The following PNKP variants were observed in gnomAD, a reference collection of about 807,000 sequenced individuals.
PNKP encodes the protein bifunctional polynucleotide phosphatase/kinase.
A neutral mutation model predicts 66.2 loss-of-function variants in PNKP; 82 were observed. The ratio of observed to expected loss-of-function variants is 1.24; its 90% CI spans 1.04 to 1.49. The LOEUF (loss-of-function observed/expected upper bound fraction) is 1.49, where lower values mean the gene tolerates loss of function less well. PNKP is among the 40% of genes most tolerant of loss of function. PNKP has a pLI of 0.00. For missense variants in PNKP, 907 were observed against 706.8 expected, an observed-to-expected ratio of 1.28 and a Z score of -3.21; for synonymous variants, 412 against 298.9, an observed-to-expected ratio of 1.38 and a Z score of -3.90.
chr19:49,865,448 C>A (rs3739178), intron 3 of PNKP, 22 bp from the exon 4 acceptor site: 10 of 1,564,064 alleles, frequency 6.4e-6, no homozygotes, highest in Admixed American at 3.7e-5. Flanking sequence ...GAGGGAGGAG[C>A]TGGGACTGGC....
chr19:49,864,138 G>A lies in PNKP; in HGVS notation c.636+41C>T, dbSNP rs189056874. 130 of 1,610,014 alleles carry A rather than the reference G, an allele frequency of 8.1e-5. No homozygotes were observed. In the African/African-American group the frequency reaches 1.2e-3, roughly 15 times the overall value. On this transcript the variant is annotated intron_variant, in intron 6 of 16. Transcript: ENST00000322344. ...GCCTTGGTCTGACTGCGGTCGGACC[G>A]CCACGTGCACGTGCCCATGCAGACA...
Position 49,862,269 on chromosome 19 carries a change from G to A in PNKP, c.1042C>T (p.Arg348Cys), listed in dbSNP as rs530663093. The change falls in exon 12 of 17, where the codon CGC becomes TGC. Residue 348 changes from arginine to cysteine, a missense_variant. Transcript: ENST00000322344. ...LPAFDPRTVS[R>C]SGPLCLPESR... ...TCGGGGAGGCAGAGAGGCCCTGAGC[G>A]GGAGACAGTCCTCTGCGAGGGGCGG... is the stretch of plus-strand genomic sequence containing the variant. 22 of 1,600,992 alleles carry A rather than the reference G, an allele frequency of 1.4e-5. No homozygotes were observed. Among genetic ancestry groups the A allele is most frequent in the Admixed American group, 5.2e-5 (3 of 57,540 alleles).
rs3739174 is a variant in PNKP at position 49,866,303 on chromosome 19, A to G, written c.198+96T>C. 7.5e-4 allele frequency: 886 copies of G among 1,176,458 alleles called. 9 individuals are homozygous for G. The African/African-American group carries it at 0.011, about 15-fold the overall frequency. The allele number at this position is 1,176,458 out of a possible 1,614,324, so 72.9% of individuals were successfully genotyped here. On this transcript the variant is annotated intron_variant, in intron 3 of 16. Coordinates refer to ENST00000322344, the MANE Select transcript of PNKP (RefSeq NM_007254.4). ...GCTTGAGCCACCACGCCCGGCCCCA[A>G]TCAGATTTTCCTAATGTACCCCTTC...
chr19:49,861,211 G>T lies in PNKP; in HGVS notation c.*37C>A. On this transcript the variant is annotated 3_prime_UTR_variant, in exon 17 of 17. Transcript: ENST00000322344. The stretch of plus-strand genomic sequence containing the variant: ...GCAAAATGCCGGCCAAGCTCAAGGA[G>T]AAACAGCGTTTATTGTGGAGGGGAG... 2 of 1,415,090 alleles carry T rather than the reference G, an allele frequency of 1.4e-6. No homozygotes were observed. The highest frequency in any genetic ancestry group is 1.1e-5 in the South Asian group (1 of 87,154). The allele number at this position is 1,415,090 out of a possible 1,614,324, so 87.7% of individuals were successfully genotyped here.
intron 8 of PNKP, among the ~76,000 whole-genome samples, chr19:49,863,469 G>A (rs912023995): frequency 3.3e-5 from 5 of 152,174 alleles, no homozygotes; most frequent in African/African-American, 7.2e-5. Flanking sequence ...ACACACAAAC[G>A]AATGAACGAA....
At chr19:49,861,409 C>T in intron 16 of PNKP, 40 bp downstream of exon 16, 1 of 1,614,002 alleles carries the variant, frequency 6.2e-7, no homozygotes, top group South Asian at 1.1e-5. Flanking sequence ...GATCATGTGG[C>T]CCAGCCAGTG....
Position 49,861,405 on chromosome 19 carries a change from G to A in PNKP, c.1449-40C>T, listed in dbSNP as rs2074755763. ...AACAGTGAGGGACAGCCTGGATCAT[G>A]TGGCCCAGCCAGTGCCCCTGCCCCC... On this transcript the variant is annotated intron_variant, in intron 16 of 16. Coordinates refer to ENST00000322344, the MANE Select transcript of PNKP (RefSeq NM_007254.4). The A allele has an allele frequency of 2.5e-6, 4 of 1,614,010 alleles. No homozygotes were observed. The South Asian group carries it at 4.4e-5, about 18-fold the overall frequency.
At chr19:49,861,724 C>T in intron 14 of PNKP, 29 bp from the exon 15 acceptor site, 1 of 1,548,658 alleles carries the variant, frequency 6.5e-7, no homozygotes, top group Non-Finnish European at 8.7e-7. Context: ...GATGTGCAGG[C>T]CCCGCCCACC....
intron 3 of PNKP, 162 bp from the exon 4 acceptor site, chr19:49,865,588 G>T: frequency 3.8e-6 from 2 of 531,770 alleles, no homozygotes; most frequent in Non-Finnish European, 6.7e-6. Flanking sequence ...CAGGTTTTCA[G>T]CCTTGTCCGA....
rs531640505 is a variant in PNKP, at chr19:49,865,358, C to T, written c.267G>A (p.Val89=). 3.7e-6 allele frequency: 6 copies of T among 1,613,548 alleles called. No individual in the cohort carries two copies. The highest frequency in any genetic ancestry group is 3.3e-5 in the Admixed American group (2 of 59,996). The change falls in exon 4 of 17, where the codon GTG becomes GTA. Residue 89 remains valine, a synonymous_variant. Coordinates refer to ENST00000322344, the MANE Select transcript of PNKP (RefSeq NM_007254.4). The part of the protein sequence containing the change: ...LKPGLEGSLG[V]GDTLYLVNGL... ...CATTGACCAAATACAGTGTGTCCCCCACCCCCAGAGAGCCCTCCAACCCCG... is the reference window on the plus strand; with the variant it reads ...CATTGACCAAATACAGTGTGTCCCCTACCCCCAGAGAGCCCTCCAACCCCG...
chr19:49,862,805 G>C lies in PNKP; in HGVS notation c.817-67C>G. 1.9e-6 allele frequency: 3 copies of C among 1,548,774 alleles called. No individual in the cohort carries two copies. In the East Asian group the frequency reaches 6.8e-5, roughly 35 times the overall value. ...CCCCCGCAGCGGTAGCGGGTCCCTG[G>C]GGCTGCTTCGCCTGGTCTGTGCCCC... On this transcript the variant is annotated intron_variant, in intron 8 of 16. Transcript: ENST00000322344.
intron 3 of PNKP, 57 bp from the exon 4 acceptor site, chr19:49,865,483 C>CA: frequency 7.8e-7 from 1 of 1,288,362 alleles, no homozygotes; most frequent in African/African-American, 1.5e-5. Context: ...GAGCTTCCTC[C>CA]AATCAAATAC....
rs919451520 is a variant in PNKP, at chr19:49,863,602, G to A, written c.816+87C>T. 1.3e-5 allele frequency: 12 copies of A among 934,034 alleles called. No individual in the cohort carries two copies. The African/African-American group carries it at 1.8e-4, about 14-fold the overall frequency. 57.9% of individuals were successfully genotyped at this position (934,034 alleles called of 1,614,324 possible). Reference sequence around the variant, plus strand: ...GGAGCGAGAGAGGACAGAGGAGTAAGGAGGCCCCAACCGGAGGCCGGGGAG... The same window carrying A: ...GGAGCGAGAGAGGACAGAGGAGTAAAGAGGCCCCAACCGGAGGCCGGGGAG... On this transcript the variant is annotated intron_variant, in intron 8 of 16. Transcript: ENST00000322344.
intron 1 of PNKP, 79 bp downstream of exon 1, chr19:49,867,390 C>T: frequency 3.0e-6 from 2 of 661,632 alleles, no homozygotes; most frequent in Non-Finnish European, 5.1e-6. Context: ...GTGCTCCATC[C>T]CTCCCCGAGT....
Position 49,861,669 on chromosome 19 carries a change from C to T in PNKP, c.1325G>A (p.Gly442Asp), listed in dbSNP as rs1360064159. The T allele has an allele frequency of 1.3e-6, 2 of 1,548,248 alleles. No homozygotes were observed. Among genetic ancestry groups the T allele is most frequent in the African/African-American group, 2.7e-5 (2 of 73,138 alleles). ...ARYVQCARAA[G>D]VPCRCFLFTA... Reference sequence around the variant, plus strand: ...GAAGAGGAAGCAGCGGCAGGGGACGCCCGCGGCTCGGGCACACTGGACGTA... The same window carrying T: ...GAAGAGGAAGCAGCGGCAGGGGACGTCCGCGGCTCGGGCACACTGGACGTA... The change falls in exon 15 of 17, where the codon GGC (glycine) becomes GAC (aspartate). Residue 442 changes from glycine to aspartate, a missense_variant. Transcript: ENST00000322344.
chr19:49,865,469 C>T, intron 3 of PNKP, 43 bp from the exon 4 acceptor site: 2 of 1,434,572 alleles, frequency 1.4e-6, no homozygotes, highest in Admixed American at 1.9e-5. Context: ...TCCGCCCCCA[C>T]CGGGAGCTTC....
rs1414544372 is a variant in PNKP, at chr19:49,865,273, T to A, written c.352A>T (p.Thr118Ser). 2 of 1,614,024 alleles carry A rather than the reference T, an allele frequency of 1.2e-6. No homozygotes were observed. Among genetic ancestry groups the A allele is most frequent in the Non-Finnish European group, 1.7e-6 (2 of 1,179,996 alleles). ...GACACCAGAGGGGTGCCAGGCGGAG[T>A]ATCTGGCTGGGATTCTGGTGTGCGG... ...ETRTPESQPD[T>S]PPGTPLVSQD... The change falls in exon 4 of 17, where the codon ACT becomes TCT. Residue 118 changes from threonine (T) to serine (S), a missense_variant. Coordinates refer to ENST00000322344, the MANE Select transcript of PNKP (RefSeq NM_007254.4).
Position 49,862,542 on chromosome 19 carries a change from C to T in PNKP, c.932G>A (p.Arg311His), listed in dbSNP as rs372435922. 4 of 1,609,264 alleles carry T rather than the reference C, an allele frequency of 2.5e-6. No individual in the cohort carries two copies. Among genetic ancestry groups the T allele is most frequent in the Non-Finnish European group, 3.4e-6 (4 of 1,177,816 alleles). Residue 311 changes from arginine to histidine, a missense_variant, in exon 10 of 17, where the codon CGC becomes CAC. By Grantham distance (29) the Arg-to-His change is conservative. Transcript: ENST00000322344. ...GGCAGGGGGCAGGGGCCTCACCAGGCGATCGGCGCAGGAGAAGTCTTTCTT... is the reference window on the plus strand; with the variant it reads ...GGCAGGGGGCAGGGGCCTCACCAGGTGATCGGCGCAGGAGAAGTCTTTCTT... ...RKKKDFSCAD[R>H]LFALNLGLPF...
At chr19:49,866,958 T>C (rs1858893808) in intron 2 of PNKP, 96 bp downstream of exon 2, 1 of 1,224,198 alleles carries the variant, frequency 8.2e-7, no homozygotes, top group South Asian at 1.2e-5. Context: ...CGGGGCTGGC[T>C]GCACCACTGC....
Sources: gnomAD v4.1 joint callset for allele counts (sites outside exome capture counted in the v4.1 genomes callset) on GRCh38, gnomAD v4.1.1 for gene constraint, MANE v1.5 for transcripts, NCBI Gene and HGNC (gene_info 2026-07-23, HGNC 2026-07-21) for gene names.